Variants in THEM4 observed in about 807,000 individuals in gnomAD.
THEM4 encodes the protein acyl-coenzyme A thioesterase THEM4.
Under a neutral mutation model 25.0 loss-of-function variants are expected in THEM4, and 22 were observed. The ratio of observed to expected loss-of-function variants is 0.88; its 90% confidence interval spans 0.63 to 1.26. The LOEUF (loss-of-function observed/expected upper bound fraction) is 1.26. Among genes scored for constraint, THEM4 ranks in the 50% most tolerant of loss-of-function variants. The pLI is 0.00. For missense variants in THEM4, 286 were observed against 300.3 expected (o/e 0.95, Z 0.35); for synonymous variants, 113 against 105.6 (o/e 1.07, Z -0.43).
intron 1 of THEM4, among the ~76,000 whole-genome samples, chr1:151,903,849 A>G (rs1218669471): frequency 6.6e-6 from 1 of 152,212 alleles, no homozygotes; most frequent in Non-Finnish European, 1.5e-5. Context: ...GACTCCCTTA[A>G]CTGTGGGTTC....
intron 1 of THEM4, among the ~76,000 whole-genome samples, chr1:151,897,577 G>A (rs114643137): frequency 0.01 from 1,585 of 152,290 alleles, 36 homozygotes; most frequent in African/African-American, 0.036. Context: ...AACATAATAC[G>A]TGTTGGATTG....
intron 1 of THEM4, among the ~76,000 whole-genome samples, chr1:151,908,165 T>C (rs1654514861): frequency 6.6e-6 from 1 of 152,246 alleles, no homozygotes. Context: ...GGTTTTTCTT[T>C]TCCTTTTGGA....
chr1:151,909,443 C>G lies in THEM4; in HGVS notation c.16G>C (p.Ala6Pro), dbSNP rs1423424210. MLRSC[A>P]ARLRTLGALC... The stretch of plus-strand genomic sequence containing the variant: ...GCCCCCAGCGTGCGGAGGCGCGCGG[C>G]GCAGCTCCTCAGCATGGCTCCGGGC... Residue 6 changes from alanine to proline, a missense_variant, in exon 1 of 6, where the codon GCC (alanine) becomes CCC (proline). Ala to Pro is a conservative substitution (Grantham distance 27, BLOSUM62 -1). Coordinates refer to ENST00000368814, the MANE Select transcript of THEM4 (RefSeq NM_053055.5). 11 of 1,448,886 alleles carry G rather than the reference C, an allele frequency of 7.6e-6. No homozygotes were observed. The highest frequency in any genetic ancestry group is 3.0e-5 in the African/African-American group (2 of 67,226). The allele number at this position is 1,448,886 out of a possible 1,614,324, so 89.8% of individuals were successfully genotyped here. A position where few individuals can be genotyped will look rare whatever the true frequency, so the allele number is the denominator to read the frequency against.
In THEM4 at chr1:151,871,474, C is replaced by T. The variant is rs1190153969; in HGVS notation, c.*3414G>A. 6.6e-6 allele frequency among the ~76,000 whole-genome samples: 1 copy of T among 152,194 alleles called. No homozygotes were observed. Among genetic ancestry groups the T allele is most frequent in the Admixed American group, 6.6e-5 (1 of 15,266 alleles). ...ATCTCTCTCCTTCTTTCTACCTGTTCTGCCACCTTTTGTTATCTTACATAC... is the reference window on the plus strand; with the variant it reads ...ATCTCTCTCCTTCTTTCTACCTGTTTTGCCACCTTTTGTTATCTTACATAC... On this transcript the variant is annotated 3_prime_UTR_variant, in exon 6 of 6. Transcript: ENST00000368814.
intron 1 of THEM4, among the ~76,000 whole-genome samples, chr1:151,896,923 T>G (rs1318738105): frequency 6.6e-6 from 1 of 152,146 alleles, no homozygotes; most frequent in Non-Finnish European, 1.5e-5. Context: ...CCAAAAAATA[T>G]AGGAGAAAGA....
intron 1 of THEM4, among the ~76,000 whole-genome samples, chr1:151,900,545 C>G (rs144899517): frequency 6.6e-6 from 1 of 152,216 alleles, no homozygotes; most frequent in Non-Finnish European, 1.5e-5. Flanking sequence ...TTACATCAGA[C>G]AAAACAAACT....
chr1:151,883,760 C>G (rs1425609302), intron 4 of THEM4, among the ~76,000 whole-genome samples: 3 of 151,486 alleles, frequency 2.0e-5, no homozygotes, highest in African/African-American at 4.8e-5. Context: ...TCCCAAGTAG[C>G]CTGGCCTTAA....
At chr1:151,875,537 AT>A (rs1395516973) in intron 5 of THEM4, among the ~76,000 whole-genome samples, 1 of 152,218 alleles carries the variant, frequency 6.6e-6, no homozygotes, top group Admixed American at 6.5e-5. Context: ...CCAACAAAAA[AT>A]TGTTCTAATA....
chr1:151,888,177 A>G, intron 4 of THEM4, 96 bp downstream of exon 4: 1 of 926,806 alleles, frequency 1.1e-6, no homozygotes, highest in Non-Finnish European at 1.6e-6. Context: ...CACTTCCTTA[A>G]TAATCACTTG....
chr1:151,896,245 C>T (rs537160453), intron 1 of THEM4, among the ~76,000 whole-genome samples: 5 of 152,178 alleles, frequency 3.3e-5, no homozygotes, highest in East Asian at 1.9e-4. Flanking sequence ...CTGCCCACCT[C>T]GGCCTCCCCA....
chr1:151,877,147 G>GA (rs763925437), intron 4 of THEM4, 22 bp from the exon 5 acceptor site: 296 of 1,587,008 alleles, frequency 1.9e-4, no homozygotes, highest in Non-Finnish European at 2.2e-4. Context: ...AATGAAAAAG[G>GA]AAAAAAATCA....
At chr1:151,908,290 A>C (rs753302091) in intron 1 of THEM4, among the ~76,000 whole-genome samples, 16 of 152,312 alleles carry the variant, frequency 1.1e-4, no homozygotes, top group Admixed American at 9.8e-4. Flanking sequence ...TGTGTTTTGC[A>C]TGTCTTTCTG....
chr1:151,872,202 G>A lies in THEM4; in HGVS notation c.*2686C>T, dbSNP rs76690570. Among the ~76,000 whole-genome samples, 900 of 152,240 alleles carry A rather than the reference G, an allele frequency of 5.9e-3. 8 individuals are homozygous for A. The highest frequency in any genetic ancestry group is 0.021 in the African/African-American group (862 of 41,538). ...AACTGGAGTTGGGCACTAGAGACAG[G>A]GCTTCCAGGATGTGGGTCTTCCTCT... On this transcript the variant is annotated 3_prime_UTR_variant, in exon 6 of 6. Transcript: ENST00000368814.
chr1:151,871,325 GA>G lies in THEM4; in HGVS notation c.*3562del, dbSNP rs11304399. Among the ~76,000 whole-genome samples the G allele has an allele frequency of 0.3, 37,224 of 123,220 alleles. 5,039 individuals carry two copies. The highest frequency in any genetic ancestry group is 0.46 in the South Asian group (1,582 of 3,446). 80.8% of individuals were successfully genotyped at this position (123,220 alleles called of 152,430 possible). A position where few individuals can be genotyped will look rare whatever the true frequency, so the allele number is the denominator to read the frequency against. ...AGGCGACAGAGCCAGACCCTGTCTT[GA>G]AAAAAAAAAAAAAAAAAGAAAAAGA... On this transcript the variant is annotated 3_prime_UTR_variant, in exon 6 of 6. Coordinates refer to ENST00000368814, the MANE Select transcript of THEM4 (RefSeq NM_053055.5).
intron 4 of THEM4, among the ~76,000 whole-genome samples, chr1:151,879,404 T>A (rs989513145): frequency 7.2e-5 from 11 of 151,824 alleles, no homozygotes; most frequent in Admixed American, 5.2e-4. Flanking sequence ...AGATTTTTTT[T>A]AAAAAGTTCT....
intron 1 of THEM4, among the ~76,000 whole-genome samples, chr1:151,897,421 A>AT (rs1654249774): frequency 6.6e-6 from 1 of 152,116 alleles, no homozygotes; most frequent in African/African-American, 2.4e-5. Flanking sequence ...CTCCCAACCT[A>AT]TATCTTTCTT....
chr1:151,888,154 T>A (rs1654011132), intron 4 of THEM4, 119 bp downstream of exon 4: 1 of 683,788 alleles, frequency 1.5e-6, no homozygotes, highest in Admixed American at 3.0e-5. Context: ...CCCTTGCTAG[T>A]CTCCTCTGGG....
intron 5 of THEM4, among the ~76,000 whole-genome samples, chr1:151,875,999 C>G (rs1653663492): frequency 6.6e-6 from 1 of 152,224 alleles, no homozygotes; most frequent in Admixed American, 6.5e-5. Flanking sequence ...TAGTCAGAGG[C>G]CTGTCACTGG....
chr1:151,900,646 T>C (rs1480673752), intron 1 of THEM4, among the ~76,000 whole-genome samples: 1 of 152,130 alleles, frequency 6.6e-6, no homozygotes, highest in East Asian at 1.9e-4. Context: ...ATCCTAAACA[T>C]ATATGCACCT....
Sources: allele counts gnomAD v4.1 joint callset (sites outside exome capture counted in the v4.1 genomes callset), GRCh38; gene constraint gnomAD v4.1.1; transcripts MANE v1.5; gene names NCBI Gene and HGNC (gene_info 2026-07-23, HGNC 2026-07-21).